Variants in MYLK observed in about 807,000 individuals in gnomAD.
MYLK encodes myosin light chain kinase, smooth muscle.
MYLK carries 106 observed loss-of-function variants against 203.4 expected under a neutral mutation model. The ratio of observed to expected loss-of-function variants is 0.52; its 90% CI spans 0.45 to 0.61. The LOEUF (loss-of-function observed/expected upper bound fraction) is 0.61. MYLK is among the 20% of genes least tolerant of loss of function. The pLI is 0.00. For synonymous variants in MYLK, 867 were observed against 959.5 expected, an observed-to-expected ratio of 0.90 and a Z score of 1.78; for missense variants, 2,072 against 2,442.3, an observed-to-expected ratio of 0.85 and a Z score of 3.20.
At chr3:123,687,261 C>T (rs1387307818) in intron 19 of MYLK, among the ~76,000 whole-genome samples, 1 of 152,206 alleles carries the variant, frequency 6.6e-6, no homozygotes, top group African/African-American at 2.4e-5. Context: ...TGGGAGCAGA[C>T]TTAGTAATAT....
chr3:123,822,205 G>A (rs188562645), intron 3 of MYLK, among the ~76,000 whole-genome samples: 1 of 152,296 alleles, frequency 6.6e-6, no homozygotes, highest in East Asian at 1.9e-4. Context: ...TACCTGGTTT[G>A]TGATATTCTT....
At chr3:123,845,286 A>T (rs1016990593) in intron 2 of MYLK, among the ~76,000 whole-genome samples, 1 of 152,156 alleles carries the variant, frequency 6.6e-6, no homozygotes, top group African/African-American at 2.4e-5. Flanking sequence ...GGAATAAAGA[A>T]GACTTTGCAG....
At chr3:123,770,784 A>G (rs1028606415) in intron 4 of MYLK, among the ~76,000 whole-genome samples, 10 of 152,244 alleles carry the variant, frequency 6.6e-5, no homozygotes, top group African/African-American at 2.4e-4. Context: ...ATAAAAGTCT[A>G]CATGCTATGT....
chr3:123,870,811 C>T (rs750253859), intron 2 of MYLK, among the ~76,000 whole-genome samples: 4 of 152,184 alleles, frequency 2.6e-5, no homozygotes, highest in Non-Finnish European at 4.4e-5. Flanking sequence ...GATGGTATAG[C>T]CTGCAAAGTT....
intron 19 of MYLK, among the ~76,000 whole-genome samples, chr3:123,686,992 CG>C (rs1463195161): frequency 6.6e-6 from 1 of 152,116 alleles, no homozygotes; most frequent in Non-Finnish European, 1.5e-5. Context: ...GAGGCTGAGG[CG>C]GGTGGATCAC....
chr3:123,815,553 C>T (rs1000797156), intron 3 of MYLK, among the ~76,000 whole-genome samples: 2 of 152,144 alleles, frequency 1.3e-5, no homozygotes, highest in Non-Finnish European at 1.5e-5. Flanking sequence ...TCTTTTCCAC[C>T]CAGCTGAGTC....
At chr3:123,744,254 G>A (rs2062948943) in intron 5 of MYLK, among the ~76,000 whole-genome samples, 1 of 152,140 alleles carries the variant, frequency 6.6e-6, no homozygotes, top group Non-Finnish European at 1.5e-5. Flanking sequence ...GTTCAAGCAT[G>A]ACCATTTCAA....
At chr3:123,816,133 CACT>C (rs1349391085) in intron 3 of MYLK, among the ~76,000 whole-genome samples, 1 of 152,236 alleles carries the variant, frequency 6.6e-6, no homozygotes, top group Non-Finnish European at 1.5e-5. Flanking sequence ...ATGGTGGGAG[CACT>C]GGTGTGCACA....
At chr3:123,807,618 C>T (rs146371175) in intron 3 of MYLK, among the ~76,000 whole-genome samples, 1,612 of 152,266 alleles carry the variant, frequency 0.011, 17 homozygotes, top group Non-Finnish European at 0.017. Flanking sequence ...CCTAAACAAA[C>T]GGGGTGACTT....
At chr3:123,836,170 T>C (rs1445626562) in intron 2 of MYLK, among the ~76,000 whole-genome samples, 8 of 152,208 alleles carry the variant, frequency 5.3e-5, no homozygotes, top group South Asian at 2.1e-4. Flanking sequence ...CTACTATTAA[T>C]CCACCTTTTG....
chr3:123,853,432 C>A lies in MYLK; in HGVS notation c.-126-21762G>T, dbSNP rs76234193. On this transcript the variant is annotated intron_variant, in intron 2 of 33. Coordinates refer to ENST00000360304, the MANE Select transcript of MYLK (RefSeq NM_053025.4). ...TGGAGAACAACAAACTGGGAAGACA[C>A]CCCAGAGAGCAGAAGCAATGGTCCT... is the stretch of plus-strand genomic sequence containing the variant. 5.1e-3 allele frequency among the ~76,000 whole-genome samples: 780 copies of A among 152,214 alleles called. 39 individuals are homozygous for A. The East Asian group carries it at 0.13, about 25-fold the overall frequency.
rs562502458 is a variant in MYLK at position 123,642,272 on chromosome 3, T to G, written c.4620-1768A>C. On this transcript the variant is annotated intron_variant, in intron 27 of 33. Transcript: ENST00000360304. The surrounding 1 kb of genome is among the most constrained non-coding windows in gnomAD (Gnocchi z 4.2). Reference sequence around the variant, plus strand: ...TGCTTAACCTTTCTGAGTCCCAGTTTCCTTATCTATCCCTGCCTCATAGAG... The same window carrying G: ...TGCTTAACCTTTCTGAGTCCCAGTTGCCTTATCTATCCCTGCCTCATAGAG... Among the ~76,000 whole-genome samples, 46 of 152,310 alleles carry G rather than the reference T, an allele frequency of 3.0e-4. No individual in the cohort carries two copies. The highest frequency in any genetic ancestry group is 1.0e-3 in the African/African-American group (43 of 41,566).
Position 123,867,853 on chromosome 3 carries a change from A to T in MYLK, c.-127+8706T>A, listed in dbSNP as rs537025000. Among the ~76,000 whole-genome samples the T allele has an allele frequency of 3.8e-4, 58 of 152,294 alleles. 1 individual carries two copies. The South Asian group carries it at 0.012, about 32-fold the overall frequency. On this transcript the variant is annotated intron_variant, in intron 2 of 33. Transcript: ENST00000360304. ...CCTACAGTCCTCAGGTCCACAGCTC[A>T]TAAGCAACTCCTGCCTCCCCCAACA...
intron 4 of MYLK, among the ~76,000 whole-genome samples, chr3:123,765,610 C>T (rs912448765): frequency 6.6e-6 from 1 of 151,188 alleles, no homozygotes; most frequent in African/African-American, 2.4e-5. Context: ...TTATTCACAA[C>T]ATCCAGATAG....
At chr3:123,688,032 A>G (rs2060524733) in intron 19 of MYLK, among the ~76,000 whole-genome samples, 1 of 151,920 alleles carries the variant, frequency 6.6e-6, no homozygotes, top group African/African-American at 2.4e-5. Context: ...GGACACCCCC[A>G]TCTCCTGGGT....
chr3:123,702,757 A>G (rs938515797), intron 16 of MYLK, among the ~76,000 whole-genome samples: 5 of 152,322 alleles, frequency 3.3e-5, no homozygotes, highest in African/African-American at 1.2e-4. Flanking sequence ...GGGAGGCTGA[A>G]GTGGGAGGAT....
At position 123,718,235 on chromosome 3, in the gene MYLK, G is replaced by A. The variant is rs138274863; in HGVS notation, c.1804+3893C>T. On this transcript the variant is annotated intron_variant, in intron 13 of 33. Coordinates refer to ENST00000360304, the MANE Select transcript of MYLK (RefSeq NM_053025.4). ...ATGGGCACTGAGCCCCCAGAAAAGC[G>A]AGGAATTCTAGGGAATGCCTCCCTG... Among the ~76,000 whole-genome samples the A allele has an allele frequency of 5.9e-3, 900 of 152,274 alleles. 10 individuals are homozygous for A. The highest frequency in any genetic ancestry group is 0.02 in the African/African-American group (841 of 41,562).
At chr3:123,727,357 C>T (rs527550649) in intron 11 of MYLK, among the ~76,000 whole-genome samples, 1 of 152,078 alleles carries the variant, frequency 6.6e-6, no homozygotes, top group Non-Finnish European at 1.5e-5. Flanking sequence ...TAGAGAAATG[C>T]CTTTGGGAGT....
At chr3:123,882,292 G>A (rs564725639) in intron 1 of MYLK, among the ~76,000 whole-genome samples, 3 of 152,148 alleles carry the variant, frequency 2.0e-5, no homozygotes, top group Non-Finnish European at 4.4e-5. Context: ...GCACACACCT[G>A]TAGTCCCTGC....
Sources: gnomAD v4.1 joint callset for allele counts (sites outside exome capture counted in the v4.1 genomes callset) on GRCh38, gnomAD v4.1.1 for gene constraint, Gnocchi (gnomAD v3.1) non-coding constraint, MANE v1.5 for transcripts, NCBI Gene and HGNC (gene_info 2026-07-23, HGNC 2026-07-21) for gene names.